Variants in DNAJC30 observed in about 807,000 individuals in gnomAD.
DNAJC30 encodes DnaJ heat shock protein family (Hsp40) member C30.
Under a neutral mutation model 15.4 loss-of-function variants are expected in DNAJC30, and 16 were observed. That is an observed-to-expected ratio of 1.04 (90% CI 0.70 to 1.58). DNAJC30 has a LOEUF of 1.58. Among genes scored for constraint, DNAJC30 ranks in the 40% most tolerant of loss-of-function variants. The pLI, the probability that DNAJC30 is intolerant of heterozygous loss-of-function variation, is 0.00. For missense variants in DNAJC30, 352 were observed against 320.9 expected (o/e 1.10, Z -0.74); for synonymous variants, 161 against 140.2 (o/e 1.15, Z -1.05).
chr7:73,683,362 C>T lies in DNAJC30; in HGVS notation c.62G>A (p.Arg21His). The change falls in exon 1 of 1, where the codon CGT (arginine) becomes CAT (histidine). Residue 21 changes from arginine (R) to histidine (H), a missense_variant. Transcript: ENST00000395176. Reference sequence around the variant, plus strand: ...GGGTGCAGAATTTTGTGGAAAGCCACGGGCCTGCAGCAACCTCCAAGGTAA... The same window carrying T: ...GGGTGCAGAATTTTGTGGAAAGCCATGGGCCTGCAGCAACCTCCAAGGTAA... Reference protein sequence around the residue: ...RLLPWRLLQARGFPQNSAPSL... With the variant: ...RLLPWRLLQAHGFPQNSAPSL... 2 of 1,613,256 alleles carry T rather than the reference C, an allele frequency of 1.2e-6. No individual in the cohort carries two copies. Among genetic ancestry groups the T allele is most frequent in the Middle Eastern group, 1.7e-4 (1 of 6,054 alleles).
chr7:73,682,930 T>A lies in DNAJC30; in HGVS notation c.494A>T (p.Asp165Val). The A allele has an allele frequency of 6.2e-7, 1 of 1,613,728 alleles. No individual in the cohort carries two copies. Among genetic ancestry groups the A allele is most frequent in the Non-Finnish European group, 8.5e-7 (1 of 1,179,952 alleles). ...PGANRTMFNFDAFYQAHYGEQ... is the reference protein window; with the variant it reads ...PGANRTMFNFVAFYQAHYGEQ... Reference sequence around the variant, plus strand: ...CCCGTAGTGGGCCTGGTAGAAGGCGTCAAAGTTGAACATCGTGCGGTTGGC... The same window carrying A: ...CCCGTAGTGGGCCTGGTAGAAGGCGACAAAGTTGAACATCGTGCGGTTGGC... The change falls in exon 1 of 1, where the codon GAC (aspartate) becomes GTC (valine). Residue 165 changes from aspartate (D) to valine (V), a missense_variant. By Grantham distance (152) the Asp-to-Val change is radical. Transcript: ENST00000395176.
At position 73,683,364 on chromosome 7, in the gene DNAJC30, G is replaced by C; in HGVS notation, c.60C>G (p.Ala20=). ...QRLLPWRLLQ[A]RGFPQNSAPS... is the part of the protein sequence containing the mutation. ...GTGCAGAATTTTGTGGAAAGCCACGGGCCTGCAGCAACCTCCAAGGTAACA... is the reference window on the plus strand; with the variant it reads ...GTGCAGAATTTTGTGGAAAGCCACGCGCCTGCAGCAACCTCCAAGGTAACA... The change falls in exon 1 of 1, where the codon GCC becomes GCG. Residue 20 remains alanine (A), a synonymous_variant. Transcript: ENST00000395176. The C allele has an allele frequency of 6.2e-7, 1 of 1,613,258 alleles. No homozygotes were observed. The highest frequency in any genetic ancestry group is 1.7e-4 in the Middle Eastern group (1 of 6,056).
chr7:73,683,008 C>T lies in DNAJC30; in HGVS notation c.416G>A (p.Arg139His). The change falls in exon 1 of 1, where the codon CGT becomes CAT. Residue 139 changes from arginine to histidine, a missense_variant. Transcript: ENST00000395176. ...RTPAPDPGSP[R>H]TPPPTSRTHD... ...GGTCCGAGAGGTGGGCGGCGGGGTA[C>T]GCGGCGAGCCGGGGTCGGGTGCGGG... 5.0e-6 allele frequency: 8 copies of T among 1,588,992 alleles called. No individual in the cohort carries two copies. Among genetic ancestry groups the T allele is most frequent in the Non-Finnish European group, 6.0e-6 (7 of 1,165,522 alleles).
In DNAJC30 at chr7:73,683,165, C is replaced by T. The variant is rs1554611720; in HGVS notation, c.259G>A (p.Ala87Thr). The change falls in exon 1 of 1, where the codon GCC becomes ACC. Residue 87 changes from alanine to threonine, a missense_variant. Transcript: ENST00000395176. ...GAGATGCGCGTGAAGCGCTCGGCGG[C>T]CTCCGCGCTCCCGGAGTTGCGGTCC... ...HPDRNSGSAE[A>T]AERFTRISQA... 3 of 1,614,184 alleles carry T rather than the reference C, an allele frequency of 1.9e-6. No homozygotes were observed. Among genetic ancestry groups the T allele is most frequent in the Admixed American group, 1.7e-5 (1 of 60,036 alleles).
Position 73,683,229 on chromosome 7 carries a change from G to A in DNAJC30, c.195C>T (p.Ile65=). The change falls in exon 1 of 1, where the codon ATC becomes ATT. Residue 65 remains isoleucine, a synonymous_variant. Coordinates refer to ENST00000395176, the MANE Select transcript of DNAJC30 (RefSeq NM_032317.3). The stretch of plus-strand genomic sequence containing the variant: ...AGCACTGACGGTAGTAAGCCGCCTT[G>A]ATTTGGGCCTGCGTGGCTGTGGAGG... ...GVPSTATQAQ[I]KAAYYRQCFL... 6.2e-7 allele frequency: 1 copy of A among 1,614,222 alleles called. No homozygotes were observed. Among genetic ancestry groups the A allele is most frequent in the Non-Finnish European group, 8.5e-7 (1 of 1,180,054 alleles).
Position 73,683,144 on chromosome 7 carries a change from T to A in DNAJC30, c.280A>T (p.Ile94Phe), listed in dbSNP as rs1554611707. 11 of 1,614,096 alleles carry A rather than the reference T, an allele frequency of 6.8e-6. No homozygotes were observed. Among genetic ancestry groups the A allele is most frequent in the Non-Finnish European group, 9.3e-6 (11 of 1,180,008 alleles). The part of the protein sequence containing the change: ...SAEAAERFTR[I>F]SQAYVVLGSA... Reference sequence around the variant, plus strand: ...CCCAGCACCACGTAGGCCTGGGAGATGCGCGTGAAGCGCTCGGCGGCCTCC... The same window carrying A: ...CCCAGCACCACGTAGGCCTGGGAGAAGCGCGTGAAGCGCTCGGCGGCCTCC... Residue 94 changes from isoleucine to phenylalanine, a missense_variant, in exon 1 of 1, where the codon ATC becomes TTC. By Grantham distance (21) the Ile-to-Phe change is conservative. Coordinates refer to ENST00000395176, the MANE Select transcript of DNAJC30 (RefSeq NM_032317.3).
In DNAJC30 at chr7:73,682,430, A is replaced by C. The variant is rs1367381178; in HGVS notation, c.*313T>G. 1.1e-5 allele frequency: 3 copies of C among 268,622 alleles called. No homozygotes were observed. Among genetic ancestry groups the C allele is most frequent in the Non-Finnish European group, 2.1e-5 (3 of 141,980 alleles). 16.6% of individuals were successfully genotyped at this position (268,622 alleles called of 1,614,324 possible). On this transcript the variant is annotated 3_prime_UTR_variant, in exon 1 of 1. Coordinates refer to ENST00000395176, the MANE Select transcript of DNAJC30 (RefSeq NM_032317.3). ...ACAGCGAGTGTTCCAGAAGTTGACC[A>C]CATCTGGAAGCAAGAAGACAGACTC...
In DNAJC30 at chr7:73,682,636, C is replaced by T. The variant is rs1797744427; in HGVS notation, c.*107G>A. 2.9e-6 allele frequency: 4 copies of T among 1,378,446 alleles called. No individual in the cohort carries two copies. The highest frequency in any genetic ancestry group is 2.9e-5 in the African/African-American group (2 of 68,786). The allele number at this position is 1,378,446 out of a possible 1,614,324, so 85.4% of individuals were successfully genotyped here. On this transcript the variant is annotated 3_prime_UTR_variant, in exon 1 of 1. Coordinates refer to ENST00000395176, the MANE Select transcript of DNAJC30 (RefSeq NM_032317.3). ...GAGGGCAGGGGGAGTACAGTTCCTT[C>T]GGATCCCAGCAAAGGTAGACTATCA...
Position 73,682,490 on chromosome 7 carries a change from T to C in DNAJC30, c.*253A>G, listed in dbSNP as rs555076484. 1.7e-4 allele frequency: 70 copies of C among 403,580 alleles called. 1 individual carries two copies. In the Middle Eastern group the frequency reaches 3.3e-3, roughly 19 times the overall value. The allele number at this position is 403,580 out of a possible 1,614,324, so 25.0% of individuals were successfully genotyped here. ...CACCCTAGAGACTCCAGGAACCCCCTTCACTCCTGGGCTTTCGGGACTCTA... is the reference window on the plus strand; with the variant it reads ...CACCCTAGAGACTCCAGGAACCCCCCTCACTCCTGGGCTTTCGGGACTCTA... On this transcript the variant is annotated 3_prime_UTR_variant, in exon 1 of 1. Transcript: ENST00000395176.
At position 73,682,195 on chromosome 7, in the gene DNAJC30, A is replaced by G. The variant is rs901457769; in HGVS notation, c.*548T>C. ...GGGGCTGACCTTAGCGGGAGGAACG[A>G]CAGGCTCTCCACCGATCCCATTCTT... On this transcript the variant is annotated 3_prime_UTR_variant, in exon 1 of 1. Transcript: ENST00000395176. 1 of 152,832 alleles carries G rather than the reference A, an allele frequency of 6.5e-6. No homozygotes were observed. Among genetic ancestry groups the G allele is most frequent in the Non-Finnish European group, 1.5e-5 (1 of 68,202 alleles). The allele number at this position is 152,832 out of a possible 1,614,324, so 9.5% of individuals were successfully genotyped here. A position where few individuals can be genotyped will look rare whatever the true frequency, so the allele number is the denominator to read the frequency against.
Position 73,683,226 on chromosome 7 carries a change from C to A in DNAJC30, c.198G>T (p.Lys66Asn). Residue 66 changes from lysine to asparagine, a missense_variant, in exon 1 of 1, where the codon AAG (lysine) becomes AAT (asparagine). Physicochemically the swap from Lys to Asn is moderately conservative, Grantham distance 94. Transcript: ENST00000395176. Reference protein sequence around the residue: ...VPSTATQAQIKAAYYRQCFLY... With the variant: ...VPSTATQAQINAAYYRQCFLY... ...GAAAGCACTGACGGTAGTAAGCCGCCTTGATTTGGGCCTGCGTGGCTGTGG... is the reference window on the plus strand; with the variant it reads ...GAAAGCACTGACGGTAGTAAGCCGCATTGATTTGGGCCTGCGTGGCTGTGG... 6.2e-7 allele frequency: 1 copy of A among 1,614,220 alleles called. No homozygotes were observed. Among genetic ancestry groups the A allele is most frequent in the Non-Finnish European group, 8.5e-7 (1 of 1,180,050 alleles).
chr7:73,682,316 C>G lies in DNAJC30; in HGVS notation c.*427G>C, dbSNP rs1160125263. The G allele has an allele frequency of 6.3e-6, 1 of 157,768 alleles. No homozygotes were observed. Among genetic ancestry groups the G allele is most frequent in the Admixed American group, 6.4e-5 (1 of 15,638 alleles). The allele number at this position is 157,768 out of a possible 1,614,324, so 9.8% of individuals were successfully genotyped here. A position where few individuals can be genotyped will look rare whatever the true frequency, so the allele number is the denominator to read the frequency against. On this transcript the variant is annotated 3_prime_UTR_variant, in exon 1 of 1. Transcript: ENST00000395176. ...TTTCTTTTGGTAGTCAACAATTGGTCACATTGCACATTTCAAGGTTACAGA... is the reference window on the plus strand; with the variant it reads ...TTTCTTTTGGTAGTCAACAATTGGTGACATTGCACATTTCAAGGTTACAGA...
rs1554611878 is a variant in DNAJC30 at position 73,683,412 on chromosome 7, C to T, written c.12G>A (p.Met4Ile). 5.6e-6 allele frequency: 9 copies of T among 1,611,488 alleles called. No homozygotes were observed. The highest frequency in any genetic ancestry group is 2.7e-5 in the African/African-American group (2 of 74,864). Reference protein sequence around the residue: MAAMRWRWWQRLLP... With the variant: MAAIRWRWWQRLLP... Reference sequence around the variant, plus strand: ...ACAGCCGCTGCCACCATCGCCAGCGCATGGCTGCCATGTTGAATTGATTCG... The same window carrying T: ...ACAGCCGCTGCCACCATCGCCAGCGTATGGCTGCCATGTTGAATTGATTCG... The change falls in exon 1 of 1, where the codon ATG (methionine) becomes ATA (isoleucine). Residue 4 changes from methionine (M) to isoleucine (I), a missense_variant. Physicochemically the swap from Met to Ile is conservative, Grantham distance 10. Coordinates refer to ENST00000395176, the MANE Select transcript of DNAJC30 (RefSeq NM_032317.3).
chr7:73,683,035 G>C lies in DNAJC30; in HGVS notation c.389C>G (p.Thr130Arg). ...CGGCGAGCCGGGGTCGGGTGCGGGC[G>C]TCCTGGAGGGCCGGACGCCAGGTCC... ...LRGPGVRPSR[T>R]PAPDPGSPRT... Residue 130 changes from threonine to arginine, a missense_variant, in exon 1 of 1, where the codon ACG (threonine) becomes AGG (arginine). By Grantham distance (71) the Thr-to-Arg change is moderately conservative. Coordinates refer to ENST00000395176, the MANE Select transcript of DNAJC30 (RefSeq NM_032317.3). 6.3e-7 allele frequency: 1 copy of C among 1,589,540 alleles called. No homozygotes were observed. The highest frequency in any genetic ancestry group is 8.6e-7 in the Non-Finnish European group (1 of 1,165,902).
rs944461785 is a variant in DNAJC30, at chr7:73,682,670, G to A, written c.*73C>T. 5.3e-6 allele frequency: 8 copies of A among 1,511,958 alleles called. No homozygotes were observed. Among genetic ancestry groups the A allele is most frequent in the East Asian group, 4.6e-5 (2 of 43,950 alleles). The allele number at this position is 1,511,958 out of a possible 1,614,324, so 93.7% of individuals were successfully genotyped here. A position where few individuals can be genotyped will look rare whatever the true frequency, so the allele number is the denominator to read the frequency against. On this transcript the variant is annotated 3_prime_UTR_variant, in exon 1 of 1. Coordinates refer to ENST00000395176, the MANE Select transcript of DNAJC30 (RefSeq NM_032317.3). ...GCAAAGGTAGACTATCAATGGCCAA[G>A]GGTTCAGAGGCAGGAAAAAAGGCCG...
In DNAJC30 at chr7:73,682,986, C is replaced by T; in HGVS notation, c.438G>A (p.Arg146=). The T allele has an allele frequency of 6.3e-7, 1 of 1,599,572 alleles. No homozygotes were observed. The highest frequency in any genetic ancestry group is 1.1e-5 in the South Asian group (1 of 90,296). Residue 146 remains arginine, a synonymous_variant, in exon 1 of 1, where the codon CGG becomes CGA. Transcript: ENST00000395176. ...GSPRTPPPTS[R]THDGSRASPG... The stretch of plus-strand genomic sequence containing the variant: ...GGGAGGCCCGAGAACCGTCGTGGGT[C>T]CGAGAGGTGGGCGGCGGGGTACGCG...
chr7:73,682,606 T>G lies in DNAJC30; in HGVS notation c.*137A>C. ...CAGGTCATCGGCTAAGCTGGGCGGG[T>G]CGGGGAGGGCAGGGGGAGTACAGTT... On this transcript the variant is annotated 3_prime_UTR_variant, in exon 1 of 1. Transcript: ENST00000395176. 1 of 1,054,900 alleles carries G rather than the reference T, an allele frequency of 9.5e-7. No individual in the cohort carries two copies. Among genetic ancestry groups the G allele is most frequent in the Non-Finnish European group, 1.3e-6 (1 of 760,960 alleles). 65.3% of individuals were successfully genotyped at this position (1,054,900 alleles called of 1,614,324 possible). A position where few individuals can be genotyped will look rare whatever the true frequency, so the allele number is the denominator to read the frequency against.
At position 73,683,101 on chromosome 7, in the gene DNAJC30, C is replaced by A; in HGVS notation, c.323G>T (p.Arg108Leu). ...GCTGAGTAGGCCGCGATCATACTTG[C>A]GACGGAGGGTGGCACTGCCCAGCAC... Reference protein sequence around the residue: ...YVVLGSATLRRKYDRGLLSDE... With the variant: ...YVVLGSATLRLKYDRGLLSDE... Residue 108 changes from arginine (R) to leucine (L), a missense_variant, in exon 1 of 1, where the codon CGC (arginine) becomes CTC (leucine). By Grantham distance (102) the Arg-to-Leu change is moderately radical. Transcript: ENST00000395176. The A allele has an allele frequency of 1.2e-6, 2 of 1,610,416 alleles. No individual in the cohort carries two copies. Among genetic ancestry groups the A allele is most frequent in the South Asian group, 1.1e-5 (1 of 91,000 alleles).
chr7:73,683,073 G>C lies in DNAJC30; in HGVS notation c.351C>G (p.Asp117Glu). 1 of 1,603,454 alleles carries C rather than the reference G, an allele frequency of 6.2e-7. No individual in the cohort carries two copies. Among genetic ancestry groups the C allele is most frequent in the African/African-American group, 1.3e-5 (1 of 74,814 alleles). Residue 117 changes from aspartate to glutamate, a missense_variant, in exon 1 of 1, where the codon GAC becomes GAG. Coordinates refer to ENST00000395176, the MANE Select transcript of DNAJC30 (RefSeq NM_032317.3). ...GGACGCCAGGTCCGCGCAGGTCCTC[G>C]TCGCTGAGTAGGCCGCGATCATACT... Reference protein sequence around the residue: ...RRKYDRGLLSDEDLRGPGVRP... With the variant: ...RRKYDRGLLSEEDLRGPGVRP...
Sources: gnomAD v4.1 joint callset for allele counts on GRCh38, gnomAD v4.1.1 for gene constraint, MANE v1.5 for transcripts, NCBI Gene and HGNC (gene_info 2026-07-23, HGNC 2026-07-21) for gene names.